The following TNS2 variants were observed in gnomAD, a reference collection of about 807,000 sequenced individuals.
The protein encoded by TNS2 is tensin 2.
In TNS2, 77 loss-of-function variants were observed where a neutral mutation model predicts 155.7. The ratio of observed to expected loss-of-function variants is 0.49; its 90% CI spans 0.41 to 0.60. The LOEUF is 0.60. Among genes scored for constraint, TNS2 ranks in the 20% least tolerant of loss-of-function variants. The pLI is 0.00. For synonymous variants in TNS2, 726 were observed against 763.9 expected, an observed-to-expected ratio of 0.95 and a Z score of 0.82; for missense variants, 1,703 against 1,868.8, an observed-to-expected ratio of 0.91 and a Z score of 1.64.
chr12:53,052,515 T>C (rs754581448), intron 3 of TNS2, 23 bp downstream of exon 3: 2 of 1,613,290 alleles, frequency 1.2e-6, no homozygotes, highest in Non-Finnish European at 8.5e-7. Context: ...TTCTACCTGA[T>C]AGGGGGAGAG....
chr12:53,047,299 A>T (rs1943756301), upstream of TNS2, among the ~76,000 whole-genome samples: 1 of 139,340 alleles, frequency 7.2e-6, no homozygotes, highest in Non-Finnish European at 1.6e-5. Flanking sequence ...CACGGGCGGG[A>T]TGGGCTGGCC....
Position 53,061,449 on chromosome 12 carries a change from C to T in TNS2, c.3428C>T (p.Pro1143Leu), listed in dbSNP as rs893519582. ...GATACATCCAAGTTCTGGTACAAGC[C>T]ACACCTGTCCCGTGACCAAGGTGAG... ...VQDTSKFWYK[P>L]HLSRDQAIAL... The change falls in exon 21 of 29, where the codon CCA (proline) becomes CTA (leucine). Residue 1143 changes from proline (P) to leucine (L), a missense_variant. Coordinates refer to ENST00000314250, the MANE Select transcript of TNS2 (RefSeq NM_170754.4). The T allele has an allele frequency of 1.9e-6, 3 of 1,614,066 alleles. No homozygotes were observed.
In TNS2 at chr12:53,059,710, G is replaced by A; in HGVS notation, c.2069G>A (p.Cys690Tyr). The A allele has an allele frequency of 6.2e-7, 1 of 1,613,102 alleles. No individual in the cohort carries two copies. Among genetic ancestry groups the A allele is most frequent in the Non-Finnish European group, 8.5e-7 (1 of 1,179,908 alleles). The change falls in exon 18 of 29, where the codon TGC becomes TAC. Residue 690 changes from cysteine (C) to tyrosine (Y), a missense_variant. Transcript: ENST00000314250. This position sits in a 1 kb window ranked among gnomAD's most constrained non-coding sequence, Gnocchi z 4.7. ...EDPGLPALYP[C>Y]PACEEKLALP... ...CCTGGGCTGCCTGCCCTATACCCAT[G>A]CCCAGCCTGCGAGGAGAAGCTGGCG...
At chr12:53,047,363 G>GC (rs1214498528), upstream of TNS2, among the ~76,000 whole-genome samples, 1 of 145,620 alleles carries the variant, frequency 6.9e-6, no homozygotes, top group East Asian at 2.0e-4. Flanking sequence ...CCGGCCGGGC[G>GC]CCCCCCGCAG....
Position 53,062,230 on chromosome 12 carries a change from A to G in TNS2, c.3652A>G (p.Ser1218Gly). ...PKGVKIKGCPSEPYFGSLSAL... is the reference protein window; with the variant it reads ...PKGVKIKGCPGEPYFGSLSAL... ...AGGGGTGAAGATCAAGGGCTGCCCCAGTGAGCCCTACTTTGGTGAGAAGCA... is the reference window on the plus strand; with the variant it reads ...AGGGGTGAAGATCAAGGGCTGCCCCGGTGAGCCCTACTTTGGTGAGAAGCA... Residue 1218 changes from serine (S) to glycine (G), a missense_variant, in exon 23 of 29, where the codon AGT becomes GGT. By Grantham distance (56) the Ser-to-Gly change is moderately conservative. Coordinates refer to ENST00000314250, the MANE Select transcript of TNS2 (RefSeq NM_170754.4). 1 of 1,613,998 alleles carries G rather than the reference A, an allele frequency of 6.2e-7. No individual in the cohort carries two copies. Among genetic ancestry groups the G allele is most frequent in the Non-Finnish European group, 8.5e-7 (1 of 1,179,948 alleles).
upstream of TNS2, chr12:53,049,237 A>G (rs777807452): frequency 6.2e-7 from 1 of 1,607,022 alleles, no homozygotes; most frequent in South Asian, 1.1e-5. Flanking sequence ...CAGACCCAGG[A>G]GAGCCATGAA....
In TNS2 at chr12:53,059,419, C is replaced by T. The variant is rs767514835; in HGVS notation, c.1778C>T (p.Ser593Phe). 8.8e-6 allele frequency: 13 copies of T among 1,479,954 alleles called. No homozygotes were observed. The highest frequency in any genetic ancestry group is 7.8e-5 in the Admixed American group (3 of 38,332). 91.7% of individuals were successfully genotyped at this position (1,479,954 alleles called of 1,614,324 possible). A position where few individuals can be genotyped will look rare whatever the true frequency, so the allele number is the denominator to read the frequency against. ...GHRPGLSRHC[S>F]CRQGYREPCG... ...AGGCCTGGCCTCAGCCGCCACTGCT[C>T]CTGCCGCCAGGGCTACCGGGAGCCC... The change falls in exon 18 of 29, where the codon TCC becomes TTC. Residue 593 changes from serine to phenylalanine, a missense_variant. By Grantham distance (155) the Ser-to-Phe change is radical. Coordinates refer to ENST00000314250, the MANE Select transcript of TNS2 (RefSeq NM_170754.4). This position sits in a 1 kb window ranked among gnomAD's most constrained non-coding sequence, Gnocchi z 4.7.
rs1169965240 is a variant in TNS2, at chr12:53,058,040, C to T, written c.1033C>T (p.Pro345Ser). 6.2e-7 allele frequency: 1 copy of T among 1,614,120 alleles called. No homozygotes were observed. Residue 345 changes from proline (P) to serine (S), a missense_variant, in exon 14 of 29, where the codon CCT (proline) becomes TCT (serine). Pro to Ser is a moderately conservative substitution (Grantham distance 74). Transcript: ENST00000314250. The stretch of plus-strand genomic sequence containing the variant: ...CTCTCCCCACAGTCACATTGCAGGC[C>T]CTGGTCCCCAGCAGCTTTGCATCAG... ...YTSGVYHIAG[P>S]GPQQLCISLE...
At position 53,060,535 on chromosome 12, in the gene TNS2, T is replaced by C; in HGVS notation, c.2748T>C (p.Ser916=). ...CCTCCACGCCCCTGCACACCAGCAG[T>C]CCAGTCCAGGGCAAGGAAAGGTATG... ...SGPSTPLHTS[S]PVQGKESTRR... is the part of the protein sequence containing the mutation. The change falls in exon 19 of 29, where the codon AGT becomes AGC. Residue 916 remains serine, a synonymous_variant. Transcript: ENST00000314250. This position sits in a 1 kb window ranked among gnomAD's most constrained non-coding sequence, Gnocchi z 6.1. 6.2e-7 allele frequency: 1 copy of C among 1,613,546 alleles called. No homozygotes were observed. Among genetic ancestry groups the C allele is most frequent in the Non-Finnish European group, 8.5e-7 (1 of 1,179,916 alleles).
In TNS2 at chr12:53,063,426, C is replaced by A; in HGVS notation, c.4061+9C>A. The A allele has an allele frequency of 1.2e-6, 2 of 1,613,828 alleles. No individual in the cohort carries two copies. The highest frequency in any genetic ancestry group is 1.7e-6 in the Non-Finnish European group (2 of 1,179,996). ...GACCCTCAAGACCGGAGGTGACTCT[C>A]CCTCCAAACCCTTTGCCCCAAATCC... On this transcript the variant is annotated intron_variant, in intron 27 of 28. Coordinates refer to ENST00000314250, the MANE Select transcript of TNS2 (RefSeq NM_170754.4). The surrounding 1 kb of genome is among the most constrained non-coding windows in gnomAD (Gnocchi z 5.6).
Position 53,063,860 on chromosome 12 carries a change from T to A in TNS2, c.4208T>A (p.Val1403Asp). ...AGAIVTFITK[V>D]LLGQRK ...GCCATTGTCACCTTCATCACCAAAG[T>A]TCTACTGGGCCAGAGAAAATGAAGG... The change falls in exon 29 of 29, where the codon GTT (valine) becomes GAT (aspartate). Residue 1403 changes from valine to aspartate, a missense_variant. Coordinates refer to ENST00000314250, the MANE Select transcript of TNS2 (RefSeq NM_170754.4). This position sits in a 1 kb window ranked among gnomAD's most constrained non-coding sequence, Gnocchi z 5.6. 1 of 1,614,018 alleles carries A rather than the reference T, an allele frequency of 6.2e-7. No homozygotes were observed. Among genetic ancestry groups the A allele is most frequent in the Non-Finnish European group, 8.5e-7 (1 of 1,180,012 alleles).
intron 8 of TNS2, 86 bp from the exon 9 acceptor site, chr12:53,055,481 AC>A: frequency 6.8e-7 from 1 of 1,479,982 alleles, no homozygotes; most frequent in Admixed American, 2.1e-5. Flanking sequence ...TTGCCCCCGG[AC>A]CCCTATGCCC....
intron 14 of TNS2, 49 bp from the exon 15 acceptor site, chr12:53,058,267 G>T: frequency 6.2e-7 from 1 of 1,608,026 alleles, no homozygotes; most frequent in South Asian, 1.1e-5. Context: ...GGGTGGAAGC[G>T]CAGAAGAGGA....
Position 53,059,175 on chromosome 12 carries a change from G to A in TNS2, c.1534G>A (p.Asp512Asn), listed in dbSNP as rs139651063. The stretch of plus-strand genomic sequence containing the variant: ...ACCCCCCATGCTCTCTGTCAGCAGC[G>A]ACTCAGGCCATTCCTCCACGCTGAC... ...PPPPMLSVSS[D>N]SGHSSTLTTE... The change falls in exon 18 of 29, where the codon GAC becomes AAC. Residue 512 changes from aspartate (D) to asparagine (N), a missense_variant. By Grantham distance (23) the Asp-to-Asn change is conservative. Coordinates refer to ENST00000314250, the MANE Select transcript of TNS2 (RefSeq NM_170754.4). This position sits in a 1 kb window ranked among gnomAD's most constrained non-coding sequence, Gnocchi z 4.7. 3.3e-5 allele frequency: 53 copies of A among 1,599,896 alleles called. No homozygotes were observed. Among genetic ancestry groups the A allele is most frequent in the African/African-American group, 5.4e-5 (4 of 74,336 alleles).
At chr12:53,055,130 C>T in intron 7 of TNS2, 56 bp from the exon 8 acceptor site, 2 of 1,587,520 alleles carry the variant, frequency 1.3e-6, no homozygotes, top group East Asian at 2.2e-5. Context: ...CCACCTCCAC[C>T]TCGTGCCTCA....
Position 53,054,034 on chromosome 12 carries a change from T to G in TNS2, c.350+20T>G. 6.2e-7 allele frequency: 1 copy of G among 1,613,856 alleles called. No homozygotes were observed. Among genetic ancestry groups the G allele is most frequent in the Non-Finnish European group, 8.5e-7 (1 of 1,179,958 alleles). On this transcript the variant is annotated intron_variant, in intron 6 of 28. Transcript: ENST00000314250. ...GCCCAGGTAAGTGAGGGTGCTGGGG[T>G]GGTCCCACGTGACCCCCTTTCCGCC... is the stretch of plus-strand genomic sequence containing the variant.
chr12:53,064,141 G>A lies in TNS2; in HGVS notation c.*259G>A, dbSNP rs1944472205. On this transcript the variant is annotated 3_prime_UTR_variant, in exon 29 of 29. Transcript: ENST00000314250. Reference sequence around the variant, plus strand: ...TGTGAGGGGTGAGGAGGCATCAGCAGTTGAGCCCCGAAGGAGATCAGGCAG... The same window carrying A: ...TGTGAGGGGTGAGGAGGCATCAGCAATTGAGCCCCGAAGGAGATCAGGCAG... The A allele has an allele frequency of 6.7e-6, 3 of 448,626 alleles. No homozygotes were observed. The highest frequency in any genetic ancestry group is 8.0e-6 in the Non-Finnish European group (2 of 250,512). 27.8% of individuals were successfully genotyped at this position (448,626 alleles called of 1,614,324 possible).
In TNS2 at chr12:53,061,217, A is replaced by G. The variant is rs765811764; in HGVS notation, c.3311A>G (p.His1104Arg). The G allele has an allele frequency of 1.2e-5, 19 of 1,574,320 alleles. No individual in the cohort carries two copies. Among genetic ancestry groups the G allele is most frequent in the Non-Finnish European group, 1.6e-5 (18 of 1,159,824 alleles). Residue 1104 changes from histidine to arginine, a missense_variant, in exon 20 of 29, where the codon CAT (histidine) becomes CGT (arginine). Physicochemically the swap from His to Arg is conservative, Grantham distance 29 (BLOSUM62 0). Transcript: ENST00000314250. ...ASSPARGISH[H>R]VTFAPLLSDN... The stretch of plus-strand genomic sequence containing the variant: ...TCGCCAGCCAGAGGCATCAGTCACC[A>G]TGTCACCTTCGCACCTCTGCTCTCA...
chr12:53,049,264 C>T (rs769664711), upstream of TNS2: 34 of 1,600,978 alleles, frequency 2.1e-5, no homozygotes, highest in South Asian at 1.8e-4. Flanking sequence ...ACTCAGGCTT[C>T]GGGGTTGCCG....
Sources: gnomAD v4.1 joint callset for allele counts (sites outside exome capture counted in the v4.1 genomes callset) on GRCh38, gnomAD v4.1.1 for gene constraint, Gnocchi (gnomAD v3.1) non-coding constraint, MANE v1.5 for transcripts, NCBI Gene and HGNC (gene_info 2026-07-23, HGNC 2026-07-21) for gene names.